CABYR: variants seen among roughly 807,000 people sequenced by gnomAD.
CABYR encodes the protein calcium-binding tyrosine phosphorylation-regulated protein.
A neutral mutation model predicts 36.1 loss-of-function variants in CABYR; 31 were observed. That is an observed-to-expected ratio of 0.86 (90% CI 0.64 to 1.16). The LOEUF (loss-of-function observed/expected upper bound fraction) is 1.16. Among genes scored for constraint, CABYR ranks in the 50% most tolerant of loss-of-function variants. CABYR has a pLI of 0.00. For synonymous variants in CABYR, 146 were observed against 160.7 expected, an observed-to-expected ratio of 0.91 and a Z score of 0.69; for missense variants, 429 against 455.8, an observed-to-expected ratio of 0.94 and a Z score of 0.53.
chr18:24,155,727 C>T lies in CABYR; in HGVS notation c.226C>T (p.Pro76Ser), dbSNP rs201366959. The change falls in exon 4 of 6, where the codon CCA (proline) becomes TCA (serine). Residue 76 changes from proline (P) to serine (S), a missense_variant. Pro to Ser is a moderately conservative substitution (Grantham distance 74). Coordinates refer to ENST00000399496, the MANE Select transcript of CABYR (RefSeq NM_153769.3). ...AGAGAAATGGTCAGAAGGAACGACA[C>T]CACAGAAGAAATTAGAATGTTTAAA... ...KVEKWSEGTT[P>S]QKKLECLKEP... 5.0e-5 allele frequency: 81 copies of T among 1,608,246 alleles called. No homozygotes were observed. Among genetic ancestry groups the T allele is most frequent in the Non-Finnish European group, 4.7e-5 (55 of 1,177,722 alleles).
chr18:24,146,906 A>G (rs1301932995), intron 3 of CABYR, among the ~76,000 whole-genome samples: 2 of 152,222 alleles, frequency 1.3e-5, no homozygotes, highest in Non-Finnish European at 2.9e-5. Context: ...CAGGGAATAT[A>G]TCCTTTAAAA....
At chr18:24,154,727 G>A (rs1207671896) in intron 3 of CABYR, among the ~76,000 whole-genome samples, 2 of 152,218 alleles carry the variant, frequency 1.3e-5, no homozygotes, top group Non-Finnish European at 2.9e-5. Context: ...AACTTTTGAT[G>A]AGTTAATGAC....
chr18:24,157,578 G>C (rs767244639), intron 4 of CABYR, among the ~76,000 whole-genome samples: 3 of 152,170 alleles, frequency 2.0e-5, no homozygotes, highest in African/African-American at 4.8e-5. Flanking sequence ...AGAGGGGAAA[G>C]GTCAGGGGAG....
intron 3 of CABYR, among the ~76,000 whole-genome samples, chr18:24,144,463 C>T (rs973521452): frequency 2.6e-5 from 4 of 152,308 alleles, no homozygotes; most frequent in African/African-American, 9.6e-5. Context: ...GCAGCGATGT[C>T]AGAGACCAAC....
Position 24,141,854 on chromosome 18 carries a change from T to C in CABYR, c.-24-1237T>C, listed in dbSNP as rs532031215. 9.2e-5 allele frequency among the ~76,000 whole-genome samples: 14 copies of C among 151,872 alleles called. No homozygotes were observed. In the South Asian group the frequency reaches 2.9e-3, roughly 32 times the overall value. The stretch of plus-strand genomic sequence containing the variant: ...GCAGAAGGGGAAACATAAGGGAAAA[T>C]TTGGGAAGAGGGTAAGGGAGATATG... On this transcript the variant is annotated intron_variant, in intron 1 of 5. Coordinates refer to ENST00000399496, the MANE Select transcript of CABYR (RefSeq NM_153769.3).
Position 24,159,943 on chromosome 18 carries a change from TAGA to T in CABYR, c.1017_1019del (p.Glu339del). The T allele has an allele frequency of 6.2e-7, 1 of 1,614,106 alleles. No individual in the cohort carries two copies. The highest frequency in any genetic ancestry group is 1.3e-5 in the African/African-American group (1 of 75,032). On this transcript the variant is annotated inframe_deletion, in exon 5 of 6. Coordinates refer to ENST00000399496, the MANE Select transcript of CABYR (RefSeq NM_153769.3). The stretch of plus-strand genomic sequence containing the variant: ...GTTTTCCTTTCTGTTGCTTTCCCAG[TAGA>T]AGATGTAGCTAAAAAAAGTTCAGGA...
rs115859355 is a variant in CABYR, at chr18:24,159,435, A to T, written c.542-37A>T. 1,021 of 1,476,102 alleles carry T rather than the reference A, an allele frequency of 6.9e-4. 2 individuals are homozygous for T. The African/African-American group carries it at 0.012, about 17-fold the overall frequency. 91.4% of individuals were successfully genotyped at this position (1,476,102 alleles called of 1,614,324 possible). On this transcript the variant is annotated intron_variant, in intron 4 of 5. Coordinates refer to ENST00000399496, the MANE Select transcript of CABYR (RefSeq NM_153769.3). ...ACTATGCATAGTGCCTGATACAGAG[A>T]CCAAAACTTTAATTCCTGCAAAATT...
At chr18:24,161,125 T>TTGAA (rs2085966578) in intron 5 of CABYR, among the ~76,000 whole-genome samples, 2 of 152,012 alleles carry the variant, frequency 1.3e-5, no homozygotes, top group South Asian at 4.2e-4. Flanking sequence ...GGGAGATGAG[T>TTGAA]TGAAAGTACA....
chr18:24,142,948 G>A (rs935900136), intron 1 of CABYR, 143 bp from the exon 2 acceptor site: 5 of 477,494 alleles, frequency 1.0e-5, no homozygotes, highest in African/African-American at 4.1e-5. Context: ...CTGGAGAATC[G>A]CTTGAACCTG....
At chr18:24,141,769 A>G (rs2085326724) in intron 1 of CABYR, among the ~76,000 whole-genome samples, 1 of 152,084 alleles carries the variant, frequency 6.6e-6, no homozygotes, top group African/African-American at 2.4e-5. Flanking sequence ...AGCCTCTGCA[A>G]CTCTGAGAAT....
chr18:24,142,798 C>T (rs535938760), intron 1 of CABYR, among the ~76,000 whole-genome samples: 7 of 151,716 alleles, frequency 4.6e-5, no homozygotes, highest in Non-Finnish European at 7.4e-5. Flanking sequence ...TTTGGGAGGC[C>T]GAGGCGGGCA....
intron 3 of CABYR, chr18:24,148,430 T>G (rs2085512054): frequency 6.6e-6 from 1 of 152,208 alleles, no homozygotes; most frequent in African/African-American, 2.4e-5. Flanking sequence ...AGGGAATGTC[T>G]GCTATTCCAC....
chr18:24,140,303 G>A (rs1170910929), intron 1 of CABYR: 2 of 152,154 alleles, frequency 1.3e-5, no homozygotes, highest in Non-Finnish European at 2.9e-5. Context: ...ATATATATGA[G>A]TATGTATCAA....
intron 1 of CABYR, chr18:24,140,341 T>A (rs923174556): frequency 2.0e-5 from 3 of 152,242 alleles, no homozygotes; most frequent in Non-Finnish European, 2.9e-5. Context: ...ATAGTATGTA[T>A]GTATCAAACA....
chr18:24,143,503 C>A, intron 3 of CABYR, 90 bp downstream of exon 3: 1 of 566,606 alleles, frequency 1.8e-6, no homozygotes. Context: ...AGAATGGTGC[C>A]CACAAATTAT....
intron 3 of CABYR, among the ~76,000 whole-genome samples, chr18:24,148,084 T>G (rs1299928312): frequency 6.6e-6 from 1 of 152,170 alleles, no homozygotes; most frequent in Non-Finnish European, 1.5e-5. Context: ...CATTTGTTCC[T>G]TTGATTAAGA....
chr18:24,153,983 G>C (rs1307831353), intron 3 of CABYR, among the ~76,000 whole-genome samples: 1 of 149,958 alleles, frequency 6.7e-6, no homozygotes, highest in Non-Finnish European at 1.5e-5. Context: ...GGTGCCCATA[G>C]TCCCAGCTAC....
chr18:24,156,765 G>C, intron 4 of CABYR: 2 of 1,613,642 alleles, frequency 1.2e-6, no homozygotes, highest in East Asian at 2.2e-5. Context: ...CCTTGAAGTG[G>C]AGATCACTTC....
At chr18:24,156,447 A>G (rs969793462) in intron 4 of CABYR, 1 of 1,614,210 alleles carries the variant, frequency 6.2e-7, no homozygotes. Flanking sequence ...GCCAGAACAA[A>G]TAGTTATCCC....
Sources: allele counts gnomAD v4.1 joint callset (sites outside exome capture counted in the v4.1 genomes callset), GRCh38; gene constraint gnomAD v4.1.1; transcripts MANE v1.5; gene names NCBI Gene and HGNC (gene_info 2026-07-23, HGNC 2026-07-21).